The following PCDH15 variants were observed in gnomAD, a reference collection of about 807,000 sequenced individuals.
PCDH15 encodes protocadherin related 15, also known as protocadherin-15.
A neutral mutation model predicts 178.5 loss-of-function variants in PCDH15; 129 were observed. That is an observed-to-expected ratio of 0.72 (90% CI 0.63 to 0.84). The LOEUF (loss-of-function observed/expected upper bound fraction) is 0.84, where lower values mean the gene tolerates loss of function less well. Ranked by LOEUF, PCDH15 falls within the 40% of genes least tolerant of loss-of-function variation. PCDH15 has a pLI of 0.00. For synonymous variants in PCDH15, 800 were observed against 732.0 expected, an observed-to-expected ratio of 1.09 and a Z score of -1.50; for missense variants, 2,230 against 2,099.9, an observed-to-expected ratio of 1.06 and a Z score of -1.21.
At chr10:54,263,758 TTGAG>T (rs10610682) in intron 8 of PCDH15, among the ~76,000 whole-genome samples, 106,334 of 151,434 alleles carry the variant, frequency 0.7, 38,223 homozygotes, top group Middle Eastern at 0.77. Context: ...ATGGTTAATA[TTGAG>T]TGTCAACTTG....
intron 3 of PCDH15, among the ~76,000 whole-genome samples, chr10:54,845,116 TTTTTTTCTTTTTTC>T (rs142303981): frequency 6.6e-6 from 1 of 151,992 alleles, no homozygotes; most frequent in Admixed American, 6.6e-5. Flanking sequence ...AGGAAAAGCC[TTTTTTTCTTTTTTC>T]TTTTTTCTTT....
chr10:55,607,798 A>G (rs1343401105), intron 2 of PCDH15, among the ~76,000 whole-genome samples: 1 of 148,862 alleles, frequency 6.7e-6, no homozygotes, highest in Non-Finnish European at 1.5e-5. Context: ...ACCTAATGCT[A>G]GATGACAAGT....
At chr10:53,991,904 G>A (rs7921174) in intron 21 of PCDH15, among the ~76,000 whole-genome samples, 11,519 of 152,060 alleles carry the variant, frequency 0.076, 1,261 homozygotes, top group African/African-American at 0.24. Flanking sequence ...GATGTGGGTG[G>A]GGTCAGATAA....
chr10:54,353,614 T>C (rs770974523), intron 5 of PCDH15, among the ~76,000 whole-genome samples: 5 of 152,156 alleles, frequency 3.3e-5, no homozygotes, highest in Admixed American at 6.5e-5. Context: ...ATAGAGTGTG[T>C]ACCCTTTCCT....
chr10:53,839,674 A>AT (rs11297132), intron 29 of PCDH15, among the ~76,000 whole-genome samples: 44 of 149,780 alleles, frequency 2.9e-4, no homozygotes, highest in South Asian at 4.2e-4. Context: ...TCTGTTAACA[A>AT]TTTTTTTTTT....
intron 2 of PCDH15, among the ~76,000 whole-genome samples, chr10:55,014,116 T>A (rs1196213080): frequency 2.0e-5 from 3 of 152,078 alleles, no homozygotes; most frequent in African/African-American, 7.2e-5. Flanking sequence ...ATATTTACAT[T>A]TTTGCATAAA....
chr10:54,713,208 A>AACAC lies in PCDH15; in HGVS notation c.-28-48922_-28-48919dup, dbSNP rs376488948. The stretch of plus-strand genomic sequence containing the variant: ...GCTGTTTGTAACTGAATGAAGTTAA[A>AACAC]ACACACACACACACACATACACACA... On this transcript the variant is annotated intron_variant, in intron 1 of 37. Transcript: ENST00000644397. 1.2e-3 allele frequency among the ~76,000 whole-genome samples: 176 copies of AACAC among 151,282 alleles called. 9 individuals carry two copies. In the South Asian group the frequency reaches 0.035, roughly 30 times the overall value.
chr10:55,039,564 C>A (rs1840816631), intron 2 of PCDH15, among the ~76,000 whole-genome samples: 2 of 152,068 alleles, frequency 1.3e-5, no homozygotes, highest in Non-Finnish European at 2.9e-5. Flanking sequence ...GCTTTGCCTG[C>A]TTCTCAGAAG....
chr10:54,831,521 C>CTGT (rs1474693979), intron 3 of PCDH15, among the ~76,000 whole-genome samples: 1 of 152,000 alleles, frequency 6.6e-6, no homozygotes, highest in East Asian at 1.9e-4. Flanking sequence ...AAGTGTGGAT[C>CTGT]TGTTCTACAC....
intron 2 of PCDH15, among the ~76,000 whole-genome samples, chr10:55,374,317 G>C (rs1845572794): frequency 6.6e-6 from 1 of 152,068 alleles, no homozygotes. Flanking sequence ...TCAGCTACTG[G>C]GAGAGGCCCT....
intron 2 of PCDH15, among the ~76,000 whole-genome samples, chr10:55,488,995 A>G (rs1840358542): frequency 6.6e-6 from 1 of 151,618 alleles, no homozygotes; most frequent in Admixed American, 6.6e-5. Context: ...GTAGTGTTGT[A>G]TAAGACATTA....
At chr10:54,348,449 T>G (rs897796355) in intron 5 of PCDH15, among the ~76,000 whole-genome samples, 3 of 152,172 alleles carry the variant, frequency 2.0e-5, no homozygotes, top group Non-Finnish European at 4.4e-5. Flanking sequence ...CTAAATTGCT[T>G]CCAAGCTGAC....
In PCDH15 at chr10:54,106,003, T is replaced by C. The variant is rs190365317; in HGVS notation, c.1918-15940A>G. Reference sequence around the variant, plus strand: ...ATGCTAGACCATGGGCATTAAAACGTTAAACTAAGCAAAAGTAACCAGATA... The same window carrying C: ...ATGCTAGACCATGGGCATTAAAACGCTAAACTAAGCAAAAGTAACCAGATA... On this transcript the variant is annotated intron_variant, in intron 15 of 37. Transcript: ENST00000644397. Among the ~76,000 whole-genome samples, 129 of 152,174 alleles carry C rather than the reference T, an allele frequency of 8.5e-4. 1 individual carries two copies. The highest frequency in any genetic ancestry group is 2.9e-3 in the African/African-American group (119 of 41,500).
At chr10:55,355,391 A>T (rs1015530448) in intron 2 of PCDH15, among the ~76,000 whole-genome samples, 2 of 151,936 alleles carry the variant, frequency 1.3e-5, no homozygotes, top group Non-Finnish European at 2.9e-5. Context: ...CCACATCCAC[A>T]TCAGCATTTG....
chr10:54,436,809 A>G (rs1388873981), intron 3 of PCDH15, among the ~76,000 whole-genome samples: 1 of 43,394 alleles, frequency 2.3e-5, no homozygotes, highest in Non-Finnish European at 6.3e-5. Context: ...AATATGTAAC[A>G]TCACAAAATC....
At chr10:54,650,032 C>T (rs2094219343) in intron 2 of PCDH15, among the ~76,000 whole-genome samples, 1 of 152,078 alleles carries the variant, frequency 6.6e-6, no homozygotes, top group Non-Finnish European at 1.5e-5. Flanking sequence ...GAGACTGTCT[C>T]TGTTCAGGAT....
chr10:54,345,885 C>T (rs891402693), intron 6 of PCDH15, among the ~76,000 whole-genome samples: 2 of 128,650 alleles, frequency 1.6e-5, no homozygotes, highest in African/African-American at 5.7e-5. Flanking sequence ...CAAAATAAAA[C>T]AGACTATAGC....
At chr10:53,809,140 C>G in intron 37 of PCDH15, 2 of 1,613,900 alleles carry the variant, frequency 1.2e-6, no homozygotes. Flanking sequence ...AGGGGTGGAA[C>G]TCTCCTCCTC....
chr10:55,474,389 T>A (rs1387376321), intron 2 of PCDH15, among the ~76,000 whole-genome samples: 1 of 152,168 alleles, frequency 6.6e-6, no homozygotes, highest in Non-Finnish European at 1.5e-5. Context: ...AACTCTAAAA[T>A]TAGCTTCAGG....
Sources: allele counts gnomAD v4.1 joint callset (sites outside exome capture counted in the v4.1 genomes callset), GRCh38; gene constraint gnomAD v4.1.1; transcripts MANE v1.5; gene names NCBI Gene and HGNC (gene_info 2026-07-23, HGNC 2026-07-21).